Variants in NFIL3 observed in about 807,000 individuals in gnomAD.
NFIL3 encodes the protein nuclear factor interleukin-3-regulated protein.
Under a neutral mutation model 10.0 loss-of-function variants are expected in NFIL3, and 5 were observed. The ratio of observed to expected loss-of-function variants is 0.50; its 90% CI spans 0.26 to 1.06. The LOEUF is 1.06. NFIL3 is among the 50% of genes least tolerant of loss of function. The pLI is 0.13. For missense variants in NFIL3, 436 were observed against 547.6 expected, an observed-to-expected ratio of 0.80 and a Z score of 2.03; for synonymous variants, 202 against 206.5, an observed-to-expected ratio of 0.98 and a Z score of 0.19.
At chr9:91,466,650 A>C in the NFIL3 span, among the ~76,000 whole-genome samples, 1 of 152,200 alleles carries the variant, frequency 6.6e-6, no homozygotes, top group Non-Finnish European at 1.5e-5. Flanking sequence ...AGAACGTTGC[A>C]TCCTTTTTGA....
At chr9:91,481,474 TAGTC>T in the NFIL3 span, among the ~76,000 whole-genome samples, 1 of 152,186 alleles carries the variant, frequency 6.6e-6, no homozygotes, top group South Asian at 2.1e-4. Context: ...TATACAATCA[TAGTC>T]ATCTGCTTTT....
At chr9:91,437,414 T>C in the NFIL3 span, among the ~76,000 whole-genome samples, 1 of 152,230 alleles carries the variant, frequency 6.6e-6, no homozygotes, top group African/African-American at 2.4e-5. Flanking sequence ...GATGTAAATA[T>C]ATTGTGGGAT....
upstream of NFIL3, among the ~76,000 whole-genome samples, chr9:91,424,259 A>C: frequency 6.6e-6 from 1 of 151,826 alleles, no homozygotes; most frequent in African/African-American, 2.4e-5. Flanking sequence ...CGCGACCCTC[A>C]CTTGCTCGCA....
At chr9:91,411,105 A>G (rs908593590) in intron 1 of NFIL3, among the ~76,000 whole-genome samples, 199 bp from the exon 2 acceptor site, 1 of 152,258 alleles carries the variant, frequency 6.6e-6, no homozygotes, top group Non-Finnish European at 1.5e-5. Context: ...TGTAAAGGAC[A>G]AATCCCTAAT....
upstream of NFIL3, among the ~76,000 whole-genome samples, chr9:91,425,470 G>A (rs1323835473): frequency 1.3e-5 from 2 of 152,284 alleles, no homozygotes; most frequent in South Asian, 2.1e-4. Context: ...GTACAGCTCT[G>A]CTGACAAGGC....
chr9:91,467,671 T>C, the NFIL3 span, among the ~76,000 whole-genome samples: 1 of 152,134 alleles, frequency 6.6e-6, no homozygotes, highest in Non-Finnish European at 1.5e-5. Flanking sequence ...TTTCTCTTAA[T>C]GCTATCCCTC....
the NFIL3 span, among the ~76,000 whole-genome samples, chr9:91,480,712 T>C: frequency 6.6e-6 from 1 of 152,174 alleles, no homozygotes; most frequent in East Asian, 1.9e-4. Context: ...TTGAAATCTA[T>C]GGACCAAGAA....
At chr9:91,443,263 G>A in the NFIL3 span, among the ~76,000 whole-genome samples, 6 of 152,188 alleles carry the variant, frequency 3.9e-5, no homozygotes, top group Non-Finnish European at 7.3e-5. Context: ...TGGAAAAAGC[G>A]CCGTAAGTTC....
chr9:91,437,815 A>G, the NFIL3 span, among the ~76,000 whole-genome samples: 1 of 152,224 alleles, frequency 6.6e-6, no homozygotes, highest in East Asian at 1.9e-4. Flanking sequence ...AGGTTTCTGC[A>G]TGTTGTGACA....
the NFIL3 span, among the ~76,000 whole-genome samples, chr9:91,464,111 T>A: frequency 6.6e-6 from 1 of 152,100 alleles, no homozygotes; most frequent in Non-Finnish European, 1.5e-5. Context: ...TTCTGTCTTT[T>A]TATTGGTGTA....
At chr9:91,424,954 T>C (rs1281192685), upstream of NFIL3, among the ~76,000 whole-genome samples, 1 of 152,240 alleles carries the variant, frequency 6.6e-6, no homozygotes, top group African/African-American at 2.4e-5. Flanking sequence ...CCGCGACTTC[T>C]TAAGTCGTCG....
the NFIL3 span, among the ~76,000 whole-genome samples, chr9:91,452,354 C>T: frequency 6.6e-6 from 1 of 152,262 alleles, no homozygotes; most frequent in Non-Finnish European, 1.5e-5. Context: ...AACCAATTGC[C>T]AATCAGAAAA....
the NFIL3 span, among the ~76,000 whole-genome samples, chr9:91,474,858 T>C: frequency 1.3e-5 from 2 of 152,204 alleles, no homozygotes; most frequent in Non-Finnish European, 2.9e-5. Flanking sequence ...TACAACTTCA[T>C]TTACAAAATG....
At chr9:91,438,864 C>T in the NFIL3 span, among the ~76,000 whole-genome samples, 1 of 152,232 alleles carries the variant, frequency 6.6e-6, no homozygotes, top group Non-Finnish European at 1.5e-5. Context: ...TTTCACTGGT[C>T]TATGGCCTGT....
At position 91,422,227 on chromosome 9, in the gene NFIL3, T is replaced by C. The variant is rs190466702; in HGVS notation, c.-173+1413A>G. ...AAATGCCTTCCTAAAAATACAATCT[T>C]ATCAAAGGTCTCCGAAGGCGTGGAG... On this transcript the variant is annotated intron_variant, in intron 1 of 1. Coordinates refer to ENST00000297689, the MANE Select transcript of NFIL3 (RefSeq NM_005384.3). Among the ~76,000 whole-genome samples the C allele has an allele frequency of 4.6e-5, 7 of 152,284 alleles. No homozygotes were observed. The East Asian group carries it at 1.4e-3, about 29-fold the overall frequency.
chr9:91,467,615 C>A, the NFIL3 span, among the ~76,000 whole-genome samples: 1 of 151,986 alleles, frequency 6.6e-6, no homozygotes, highest in Non-Finnish European at 1.5e-5. Context: ...TATACATGTG[C>A]CATGTTGGTG....
chr9:91,459,484 G>A, the NFIL3 span, among the ~76,000 whole-genome samples: 2 of 152,092 alleles, frequency 1.3e-5, no homozygotes, highest in Non-Finnish European at 2.9e-5. Flanking sequence ...AGATCAGCCT[G>A]GGCAACATAG....
chr9:91,435,922 A>G, the NFIL3 span, among the ~76,000 whole-genome samples: 4 of 152,194 alleles, frequency 2.6e-5, no homozygotes, highest in Non-Finnish European at 5.9e-5. Context: ...AATTTTTTAC[A>G]GCATTCAGGG....
At chr9:91,436,438 C>T in the NFIL3 span, among the ~76,000 whole-genome samples, 1 of 124,698 alleles carries the variant, frequency 8.0e-6, no homozygotes, top group African/African-American at 3.5e-5. Context: ...ATTAGCCGGG[C>T]GTGGTGGCGG....
Sources: allele counts gnomAD v4.1 joint callset (sites outside exome capture counted in the v4.1 genomes callset), GRCh38; gene constraint gnomAD v4.1.1; transcripts MANE v1.5; gene names NCBI Gene and HGNC (gene_info 2026-07-23, HGNC 2026-07-21).